FAM135A: variants seen among roughly 807,000 people sequenced by gnomAD.
FAM135A encodes the protein protein FAM135A.
Under a neutral mutation model 146.8 loss-of-function variants are expected in FAM135A, and 79 were observed. The ratio of observed to expected loss-of-function variants is 0.54; its 90% CI spans 0.45 to 0.65. The LOEUF (loss-of-function observed/expected upper bound fraction) is 0.65, where lower values mean the gene tolerates loss of function less well. FAM135A is among the 30% of genes least tolerant of loss of function. The pLI is 0.00. For missense variants in FAM135A, 1,623 were observed against 1,758.2 expected, an observed-to-expected ratio of 0.92 and a Z score of 1.38; for synonymous variants, 562 against 603.6, an observed-to-expected ratio of 0.93 and a Z score of 1.01.
At chr6:70,512,366 A>G (rs1343032859) in intron 12 of FAM135A, among the ~76,000 whole-genome samples, 1 of 151,924 alleles carries the variant, frequency 6.6e-6, no homozygotes, top group African/African-American at 2.4e-5. Context: ...TTTTATTTCT[A>G]TTGCTTACAT....
intron 5 of FAM135A, among the ~76,000 whole-genome samples, chr6:70,463,422 A>G (rs1380234959): frequency 1.3e-5 from 2 of 150,954 alleles, no homozygotes; most frequent in East Asian, 3.9e-4. Context: ...GCCTAATTAA[A>G]AAAAAAAAAA....
At chr6:70,535,084 G>A (rs1202174111) in intron 18 of FAM135A, among the ~76,000 whole-genome samples, 1 of 151,982 alleles carries the variant, frequency 6.6e-6, no homozygotes, top group Non-Finnish European at 1.5e-5. Flanking sequence ...TGTCTTTCAG[G>A]TTAGATTGTC....
intron 10 of FAM135A, chr6:70,486,212 A>T: frequency 6.2e-7 from 1 of 1,613,896 alleles, no homozygotes; most frequent in Non-Finnish European, 8.5e-7. Context: ...CTCAGAAGAA[A>T]ACAGCTACGA....
At chr6:70,494,179 A>G (rs1038718172) in intron 11 of FAM135A, among the ~76,000 whole-genome samples, 1 of 151,962 alleles carries the variant, frequency 6.6e-6, no homozygotes, top group Non-Finnish European at 1.5e-5. Context: ...TGCTTTATGT[A>G]TATAATTGAA....
chr6:70,501,336 C>T (rs975020737), intron 11 of FAM135A, among the ~76,000 whole-genome samples: 1 of 152,294 alleles, frequency 6.6e-6, no homozygotes, highest in Admixed American at 6.5e-5. Flanking sequence ...ATGGCAGACA[C>T]CCCTCCCCTA....
chr6:70,469,935 G>A (rs536759913), intron 5 of FAM135A, among the ~76,000 whole-genome samples: 2 of 151,896 alleles, frequency 1.3e-5, no homozygotes, highest in South Asian at 4.2e-4. Context: ...AGACTGCACT[G>A]AGCCAAGATA....
intron 4 of FAM135A, among the ~76,000 whole-genome samples, chr6:70,430,074 C>T (rs1400004166): frequency 1.3e-5 from 2 of 152,106 alleles, no homozygotes; most frequent in Non-Finnish European, 2.9e-5. Context: ...CGGTGGCTCA[C>T]GCCTGTAATC....
chr6:70,512,316 T>C (rs1319699570), intron 12 of FAM135A, among the ~76,000 whole-genome samples: 3 of 151,990 alleles, frequency 2.0e-5, no homozygotes, highest in Admixed American at 6.6e-5. Flanking sequence ...GTAAAGATGC[T>C]ACGAACATTC....
intron 2 of FAM135A, among the ~76,000 whole-genome samples, chr6:70,426,021 T>A (rs1393818952): frequency 1.3e-5 from 2 of 151,358 alleles, no homozygotes; most frequent in Non-Finnish European, 2.9e-5. Flanking sequence ...GAGAATGGCG[T>A]GAACCCGGGA....
chr6:70,553,976 A>G (rs1800339677), intron 20 of FAM135A, among the ~76,000 whole-genome samples: 1 of 152,310 alleles, frequency 6.6e-6, no homozygotes, highest in Admixed American at 6.5e-5. Context: ...TATAGAATAA[A>G]GAATTTAAGA....
chr6:70,464,608 G>A lies in FAM135A; in HGVS notation c.158-10802G>A, dbSNP rs73476888. On this transcript the variant is annotated intron_variant, in intron 5 of 21. Transcript: ENST00000418814. ...CATTAAAGTGTAAAAAGGAATAACA[G>A]AACAATATTTCAGTTATTTATTTTT... 4.1e-3 allele frequency among the ~76,000 whole-genome samples: 610 copies of A among 150,068 alleles called. 3 individuals carry two copies. The highest frequency in any genetic ancestry group is 0.015 in the African/African-American group (590 of 40,452).
At chr6:70,414,382 C>A (rs1003790636) in intron 1 of FAM135A, among the ~76,000 whole-genome samples, 12 of 152,148 alleles carry the variant, frequency 7.9e-5, no homozygotes, top group Non-Finnish European at 2.9e-5. Flanking sequence ...CGGAAACCCT[C>A]ACTGCCTTCT....
At chr6:70,515,737 T>C (rs1288629447) in intron 12 of FAM135A, among the ~76,000 whole-genome samples, 1 of 152,086 alleles carries the variant, frequency 6.6e-6, no homozygotes, top group Non-Finnish European at 1.5e-5. Flanking sequence ...AGAGTGAACC[T>C]TAATGTAAAT....
chr6:70,455,535 A>G (rs1309191406), intron 5 of FAM135A, among the ~76,000 whole-genome samples: 1 of 152,140 alleles, frequency 6.6e-6, no homozygotes, highest in Non-Finnish European at 1.5e-5. Flanking sequence ...TATTGCCATA[A>G]TAGATCATCT....
intron 9 of FAM135A, 31 bp downstream of exon 9, chr6:70,481,058 C>T (rs1783611337): frequency 6.6e-7 from 1 of 1,507,674 alleles, no homozygotes; most frequent in Non-Finnish European, 8.9e-7. Flanking sequence ...TAAATCTTCT[C>T]CTTATTTTAA....
intron 4 of FAM135A, among the ~76,000 whole-genome samples, chr6:70,438,070 A>T (rs1211570025): frequency 6.6e-6 from 1 of 152,220 alleles, no homozygotes; most frequent in African/African-American, 2.4e-5. Context: ...AACCAGCCAG[A>T]GTCAACATAG....
intron 4 of FAM135A, among the ~76,000 whole-genome samples, chr6:70,435,769 T>G (rs1772966933): frequency 2.0e-5 from 3 of 152,226 alleles, no homozygotes; most frequent in Admixed American, 1.3e-4. Flanking sequence ...GTAGTTTGAT[T>G]TAAAAGGACT....
chr6:70,541,626 A>G (rs910687925), intron 20 of FAM135A, among the ~76,000 whole-genome samples: 1 of 152,016 alleles, frequency 6.6e-6, no homozygotes, highest in Non-Finnish European at 1.5e-5. Context: ...GCATCATTCC[A>G]TATCCATCTT....
At chr6:70,555,526 T>A (rs1048464489) in intron 20 of FAM135A, among the ~76,000 whole-genome samples, 1 of 152,142 alleles carries the variant, frequency 6.6e-6, no homozygotes, top group Non-Finnish European at 1.5e-5. Flanking sequence ...GTTCTGAGAT[T>A]ACAGGCATGA....
Sources: allele counts gnomAD v4.1 joint callset (sites outside exome capture counted in the v4.1 genomes callset), GRCh38; gene constraint gnomAD v4.1.1; transcripts MANE v1.5; gene names NCBI Gene and HGNC (gene_info 2026-07-23, HGNC 2026-07-21).